JPH2: variants seen among roughly 807,000 people sequenced by gnomAD.
The protein encoded by JPH2 is junctophilin-2.
JPH2 carries 38 observed loss-of-function variants against 55.9 expected under a neutral mutation model. The observed-to-expected ratio is 0.68, with a 90% confidence interval of 0.52 to 0.89. JPH2 has a LOEUF of 0.89. JPH2 is among the 40% of genes least tolerant of loss of function. JPH2 has a pLI of 0.00. For missense variants in JPH2, 964 were observed against 1,037.6 expected (o/e 0.93, Z 0.97); for synonymous variants, 480 against 472.4 (o/e 1.02, Z -0.21).
chr20:44,159,516 A>T lies in JPH2; in HGVS notation c.1169+102T>A, dbSNP rs2072588321. The T allele has an allele frequency of 5.6e-6, 7 of 1,246,792 alleles. No homozygotes were observed. The highest frequency in any genetic ancestry group is 2.0e-5 in the Admixed American group (1 of 49,332). 77.2% of individuals were successfully genotyped at this position (1,246,792 alleles called of 1,614,324 possible). On this transcript the variant is annotated intron_variant, in intron 2 of 5. Transcript: ENST00000372980. This position sits in a 1 kb window ranked among gnomAD's most constrained non-coding sequence, Gnocchi z 5.7. ...CCCCTGAAGGTGATGGGGGTAAAAGAAGCAGAATCAGGCTTGGAGACAGGG... is the reference window on the plus strand; with the variant it reads ...CCCCTGAAGGTGATGGGGGTAAAAGTAGCAGAATCAGGCTTGGAGACAGGG...
Position 44,115,946 on chromosome 20 carries a change from C to T in JPH2, c.1729G>A (p.Glu577Lys), listed in dbSNP as rs181096982. The change falls in exon 4 of 6, where the codon GAG (glutamate) becomes AAG (lysine). Residue 577 changes from glutamate (E) to lysine (K), a missense_variant. By Grantham distance (56) the Glu-to-Lys change is moderately conservative. Coordinates refer to ENST00000372980, the MANE Select transcript of JPH2 (RefSeq NM_020433.5). The stretch of plus-strand genomic sequence containing the variant: ...GGCTGGTCCTCAAAGGGTGGGGGCT[C>T]GGGCGGCGTGGTGCGCACAGCATAG... ...HSYAVRTTPP[E>K]PPPFEDQPEP... The T allele has an allele frequency of 3.9e-5, 61 of 1,568,992 alleles. 1 individual carries two copies. Among genetic ancestry groups the T allele is most frequent in the East Asian group, 1.4e-4 (6 of 43,474 alleles).
intron 2 of JPH2, among the ~76,000 whole-genome samples, chr20:44,157,477 A>G (rs531209505): frequency 1.3e-5 from 2 of 152,108 alleles, no homozygotes; most frequent in Admixed American, 1.3e-4. Context: ...CCTTCCCCAC[A>G]AGTGTTGATC....
chr20:44,162,187 G>C (rs896783078), intron 1 of JPH2, among the ~76,000 whole-genome samples: 1 of 152,012 alleles, frequency 6.6e-6, no homozygotes, highest in Non-Finnish European at 1.5e-5. Flanking sequence ...AAAACCAAAA[G>C]GTCTTCCTGC....
rs965241837 is a variant in JPH2, at chr20:44,106,669, G to A, written c.*6849C>T. ...CACAATCATGGTGGAAGACAAGGAG[G>A]AGCAAGTCACATCTTACTAGATGGC... On this transcript the variant is annotated 3_prime_UTR_variant, in exon 6 of 6. Coordinates refer to ENST00000372980, the MANE Select transcript of JPH2 (RefSeq NM_020433.5). Among the ~76,000 whole-genome samples the A allele has an allele frequency of 6.6e-6, 1 of 152,144 alleles. No homozygotes were observed. Among genetic ancestry groups the A allele is most frequent in the Non-Finnish European group, 1.5e-5 (1 of 68,024 alleles).
In JPH2 at chr20:44,115,716, C is replaced by A. The variant is rs2072183652; in HGVS notation, c.1959G>T (p.Lys653Asn). 6.2e-7 allele frequency: 1 copy of A among 1,613,542 alleles called. No homozygotes were observed. The change falls in exon 4 of 6, where the codon AAG becomes AAT. Residue 653 changes from lysine (K) to asparagine (N), a missense_variant. Coordinates refer to ENST00000372980, the MANE Select transcript of JPH2 (RefSeq NM_020433.5). ...RGLTKAGAKKKARKEAALAAE... is the reference protein window; with the variant it reads ...RGLTKAGAKKNARKEAALAAE... The stretch of plus-strand genomic sequence containing the variant: ...CCGCCAGTGCGGCCTCCTTCCGCGC[C>A]TTCTTCTTGGCCCCCGCCTTGGTCA...
rs1169106722 is a variant in JPH2 at position 44,133,970 on chromosome 20, AATATATAAATATATATTATTATAAAT to A, written c.1170-15373_1170-15348del. 6.4e-5 allele frequency among the ~76,000 whole-genome samples: 3 copies of A among 46,656 alleles called. 1 individual carries two copies. Among genetic ancestry groups the A allele is most frequent in the Non-Finnish European group, 1.0e-4 (3 of 29,112 alleles). 30.6% of individuals were successfully genotyped at this position (46,656 alleles called of 152,430 possible). ...ATATATATAAATAAATATATATTAT[AATATATAAATATATATTATTATAAAT>A]ATATATAAATATATATATTATAAAT... On this transcript the variant is annotated intron_variant, in intron 2 of 5. Coordinates refer to ENST00000372980, the MANE Select transcript of JPH2 (RefSeq NM_020433.5).
At chr20:44,121,014 A>T (rs1482713743) in intron 2 of JPH2, among the ~76,000 whole-genome samples, 1 of 152,224 alleles carries the variant, frequency 6.6e-6, no homozygotes, top group East Asian at 1.9e-4. Flanking sequence ...ATAAAATGCA[A>T]TTAAATAAAA....
intron 1 of JPH2, among the ~76,000 whole-genome samples, chr20:44,182,205 C>T (rs1454051510): frequency 2.0e-5 from 3 of 152,168 alleles, no homozygotes; most frequent in Non-Finnish European, 4.4e-5. Flanking sequence ...TTGTCCACAT[C>T]CCCCTCAGTG....
At chr20:44,183,705 C>T (rs2145902577) in intron 1 of JPH2, among the ~76,000 whole-genome samples, 1 of 152,296 alleles carries the variant, frequency 6.6e-6, no homozygotes, top group East Asian at 1.9e-4. Context: ...CTTCTGATGC[C>T]AAATGTCATT....
chr20:44,124,672 G>A (rs2072263311), intron 2 of JPH2, among the ~76,000 whole-genome samples: 1 of 151,660 alleles, frequency 6.6e-6, no homozygotes, highest in African/African-American at 2.4e-5. Context: ...AAGTAAAAAA[G>A]AAAGAAAGGA....
At chr20:44,172,395 C>T (rs1569217295) in intron 1 of JPH2, among the ~76,000 whole-genome samples, 1 of 152,176 alleles carries the variant, frequency 6.6e-6, no homozygotes, top group Non-Finnish European at 1.5e-5. Flanking sequence ...TGTGTAAATA[C>T]CCCCACCATG....
chr20:44,177,731 G>C (rs529588481), intron 1 of JPH2: 1 of 1,385,770 alleles, frequency 7.2e-7, no homozygotes, highest in Non-Finnish European at 9.4e-7. Context: ...AGAACTAAGC[G>C]AATCAAAGTC....
chr20:44,162,787 T>TACACACACACACACAC (rs765198116), intron 1 of JPH2, among the ~76,000 whole-genome samples: 3 of 41,006 alleles, frequency 7.3e-5, no homozygotes, highest in African/African-American at 3.7e-4. Flanking sequence ...TATATATATA[T>TACACACACACACACAC]ACACACACAC....
chr20:44,140,705 A>C (rs558365513), intron 2 of JPH2, among the ~76,000 whole-genome samples: 17 of 110,466 alleles, frequency 1.5e-4, no homozygotes, highest in Admixed American at 6.2e-4. Context: ...GGGATTATGG[A>C]AACACCTGGG....
chr20:44,122,725 G>A (rs944110226), intron 2 of JPH2, among the ~76,000 whole-genome samples: 4 of 152,298 alleles, frequency 2.6e-5, no homozygotes, highest in East Asian at 1.9e-4. Flanking sequence ...TGATGATGAC[G>A]ATGATGGGGT....
At chr20:44,121,348 A>ATG (rs1370658639) in intron 2 of JPH2, among the ~76,000 whole-genome samples, 4 of 152,126 alleles carry the variant, frequency 2.6e-5, no homozygotes, top group Non-Finnish European at 5.9e-5. Context: ...TGGGGAGCTG[A>ATG]TGTGTGTGTG....
In JPH2 at chr20:44,111,194, T is replaced by C. The variant is rs950997448; in HGVS notation, c.*2324A>G. ...ACAACTGGTATCTGAATCACCTCCATCCCTTTGGGGTCCCTGGGATCCTCT... is the reference window on the plus strand; with the variant it reads ...ACAACTGGTATCTGAATCACCTCCACCCCTTTGGGGTCCCTGGGATCCTCT... On this transcript the variant is annotated 3_prime_UTR_variant, in exon 6 of 6. Transcript: ENST00000372980. Among the ~76,000 whole-genome samples, 1 of 152,126 alleles carries C rather than the reference T, an allele frequency of 6.6e-6. No homozygotes were observed. Among genetic ancestry groups the C allele is most frequent in the African/African-American group, 2.4e-5 (1 of 41,418 alleles).
rs544074423 is a variant in JPH2, at chr20:44,167,679, A to G, written c.380-7272T>C. Among the ~76,000 whole-genome samples the G allele has an allele frequency of 2.6e-5, 4 of 152,360 alleles. No individual in the cohort carries two copies. The East Asian group carries it at 5.8e-4, about 22-fold the overall frequency. ...GCTCTTCTGGTGAGTATAGAATAACAGGGATTTAAGTCTAAACTCTGACGT... is the reference window on the plus strand; with the variant it reads ...GCTCTTCTGGTGAGTATAGAATAACGGGGATTTAAGTCTAAACTCTGACGT... On this transcript the variant is annotated intron_variant, in intron 1 of 5. Transcript: ENST00000372980.
intron 2 of JPH2, among the ~76,000 whole-genome samples, chr20:44,128,314 G>A (rs1342826508): frequency 6.7e-6 from 1 of 148,864 alleles, no homozygotes; most frequent in African/African-American, 2.4e-5. Flanking sequence ...ACCCTCTGAG[G>A]TAGGTACTAC....
Sources: allele counts gnomAD v4.1 joint callset (sites outside exome capture counted in the v4.1 genomes callset), GRCh38; gene constraint gnomAD v4.1.1; non-coding constraint Gnocchi (gnomAD v3.1); transcripts MANE v1.5; gene names NCBI Gene and HGNC (gene_info 2026-07-23, HGNC 2026-07-21).